CFAP299: variants seen among roughly 807,000 people sequenced by gnomAD.
CFAP299 encodes the protein cilia- and flagella-associated protein 299.
CFAP299 carries 21 observed loss-of-function variants against 27.0 expected under a neutral mutation model. That is an observed-to-expected ratio of 0.78 (90% CI 0.55 to 1.12). The LOEUF (loss-of-function observed/expected upper bound fraction) is 1.12, where lower values mean the gene tolerates loss of function less well. Ranked by LOEUF, CFAP299 falls within the 50% of genes most tolerant of loss-of-function variation. The pLI is 0.00. For missense variants in CFAP299, 310 were observed against 276.6 expected (o/e 1.12, Z -0.86); for synonymous variants, 104 against 98.1 (o/e 1.06, Z -0.36).
At chr4:80,501,353 A>G (rs1731733330) in intron 2 of CFAP299, among the ~76,000 whole-genome samples, 1 of 150,372 alleles carries the variant, frequency 6.7e-6, no homozygotes, top group Middle Eastern at 3.6e-3. Context: ...TATATTGTCT[A>G]TTAGCTGAAA....
chr4:80,696,163 T>C (rs1326079561), intron 3 of CFAP299, among the ~76,000 whole-genome samples: 1 of 151,882 alleles, frequency 6.6e-6, no homozygotes, highest in African/African-American at 2.4e-5. Flanking sequence ...TAGCCTGGCA[T>C]GGTGGCACGC....
intron 2 of CFAP299, among the ~76,000 whole-genome samples, chr4:80,453,650 G>T (rs1215749731): frequency 6.6e-6 from 1 of 151,742 alleles, no homozygotes; most frequent in African/African-American, 2.4e-5. Context: ...AGACCAGCCT[G>T]GCCAACATGG....
In CFAP299 at chr4:80,387,992, A is replaced by C. The variant is rs1222992822; in HGVS notation, c.242+25108A>C. On this transcript the variant is annotated intron_variant, in intron 2 of 5. Coordinates refer to ENST00000358105, the MANE Select transcript of CFAP299 (RefSeq NM_152770.3). ...GGGGGTGGGGTATACTGGAGCCTCC[A>C]CACACTGGTTTGGCACCTCCAGGGG... 8.3e-6 allele frequency: 6 copies of C among 725,548 alleles called. No individual in the cohort carries two copies. In the East Asian group the frequency reaches 1.5e-4, roughly 18 times the overall value. The allele number at this position is 725,548 out of a possible 1,614,324, so 44.9% of individuals were successfully genotyped here. A position where few individuals can be genotyped will look rare whatever the true frequency, so the allele number is the denominator to read the frequency against.
At chr4:80,598,180 T>C (rs1488949299) in intron 3 of CFAP299, among the ~76,000 whole-genome samples, 1 of 152,192 alleles carries the variant, frequency 6.6e-6, no homozygotes, top group Non-Finnish European at 1.5e-5. Context: ...GAGTTTAGCA[T>C]AGATAAACAA....
intron 4 of CFAP299, among the ~76,000 whole-genome samples, chr4:80,906,414 G>A (rs1315347678): frequency 2.0e-5 from 3 of 152,168 alleles, no homozygotes; most frequent in Non-Finnish European, 2.9e-5. Context: ...GTGAATCTAC[G>A]ATTCTGGGGC....
At chr4:80,791,815 C>A (rs1202060629) in intron 3 of CFAP299, among the ~76,000 whole-genome samples, 1 of 151,724 alleles carries the variant, frequency 6.6e-6, no homozygotes, top group East Asian at 1.9e-4. Flanking sequence ...AGACCATATT[C>A]CCTCACAGAA....
chr4:80,733,196 T>G (rs1344028652), intron 3 of CFAP299, among the ~76,000 whole-genome samples: 1 of 152,156 alleles, frequency 6.6e-6, no homozygotes, highest in Non-Finnish European at 1.5e-5. Flanking sequence ...AAACTTTTAA[T>G]GAACTACTAA....
intron 3 of CFAP299, among the ~76,000 whole-genome samples, chr4:80,652,418 G>A (rs985747225): frequency 2.6e-5 from 4 of 152,114 alleles, no homozygotes; most frequent in South Asian, 2.1e-4. Flanking sequence ...CTCTGGGAAA[G>A]AGAGAAGCGG....
intron 2 of CFAP299, among the ~76,000 whole-genome samples, chr4:80,577,506 G>T (rs570091285): frequency 6.9e-6 from 1 of 145,324 alleles, no homozygotes; most frequent in Non-Finnish European, 1.5e-5. Context: ...AGGTTCAAGC[G>T]ATTCTCCTGC....
At chr4:80,819,474 A>G (rs896429325) in intron 3 of CFAP299, among the ~76,000 whole-genome samples, 4 of 152,154 alleles carry the variant, frequency 2.6e-5, no homozygotes, top group Admixed American at 2.0e-4. Context: ...TCCACAAGAC[A>G]TAAGTAAGTT....
At chr4:80,849,614 A>G (rs1406125884) in intron 3 of CFAP299, among the ~76,000 whole-genome samples, 1 of 152,190 alleles carries the variant, frequency 6.6e-6, no homozygotes, top group Admixed American at 6.6e-5. Flanking sequence ...TGATAGGTAC[A>G]TAGAAAATCA....
intron 3 of CFAP299, among the ~76,000 whole-genome samples, chr4:80,673,589 T>A (rs866578214): frequency 1.3e-5 from 2 of 152,296 alleles, no homozygotes; most frequent in Middle Eastern, 6.8e-3. Context: ...TTGGTCTTGT[T>A]GATCTGTCTA....
chr4:80,868,907 G>C (rs1027298), intron 3 of CFAP299, among the ~76,000 whole-genome samples: 13,336 of 87,700 alleles, frequency 0.15, 624 homozygotes, highest in African/African-American at 0.29. Flanking sequence ...TTCTCTCTCT[G>C]TGTGTGTGTG....
intron 2 of CFAP299, among the ~76,000 whole-genome samples, chr4:80,364,089 A>ACACACACACACACACACACAC (rs1553916989): frequency 9.0e-6 from 1 of 110,844 alleles, no homozygotes; most frequent in African/African-American, 3.8e-5. Flanking sequence ...TCCGTCTCAA[A>ACACACACACACACACACACAC]ACACACACAC....
chr4:80,923,239 G>A (rs1736135053), intron 4 of CFAP299, among the ~76,000 whole-genome samples: 1 of 151,970 alleles, frequency 6.6e-6, no homozygotes, highest in African/African-American at 2.4e-5. Flanking sequence ...CCCAGTTTGT[G>A]GAGTTAGAGT....
chr4:80,899,606 G>A (rs752483710), intron 4 of CFAP299, among the ~76,000 whole-genome samples: 2 of 152,184 alleles, frequency 1.3e-5, no homozygotes, highest in Non-Finnish European at 2.9e-5. Flanking sequence ...CTTGAGAGAG[G>A]TGCTTTTAAA....
intron 3 of CFAP299, among the ~76,000 whole-genome samples, chr4:80,672,079 G>T (rs1353217521): frequency 6.6e-6 from 1 of 152,102 alleles, no homozygotes; most frequent in East Asian, 1.9e-4. Context: ...CCTGTCTTGT[G>T]CCAGTTTTCA....
rs1307854678 is a variant in CFAP299 at position 80,388,750 on chromosome 4, T to C, written c.242+25866T>C. 26 of 503,334 alleles carry C rather than the reference T, an allele frequency of 5.2e-5. No homozygotes were observed. The Admixed American group carries it at 8.9e-4, about 17-fold the overall frequency. The allele number at this position is 503,334 out of a possible 1,614,324, so 31.2% of individuals were successfully genotyped here. Reference sequence around the variant, plus strand: ...CCCTATATTTCTTATAATTAATCAATAGATTTTTTGGGGAGGTAGGGTTTC... The same window carrying C: ...CCCTATATTTCTTATAATTAATCAACAGATTTTTTGGGGAGGTAGGGTTTC... On this transcript the variant is annotated intron_variant, in intron 2 of 5. Coordinates refer to ENST00000358105, the MANE Select transcript of CFAP299 (RefSeq NM_152770.3).
At chr4:80,860,532 T>C (rs912820899) in intron 3 of CFAP299, among the ~76,000 whole-genome samples, 2 of 152,122 alleles carry the variant, frequency 1.3e-5, no homozygotes, top group Non-Finnish European at 1.5e-5. Context: ...TCCCCATCTT[T>C]GTGGTTTTAT....
Sources: allele counts gnomAD v4.1 joint callset (sites outside exome capture counted in the v4.1 genomes callset), GRCh38; gene constraint gnomAD v4.1.1; transcripts MANE v1.5; gene names NCBI Gene and HGNC (gene_info 2026-07-23, HGNC 2026-07-21).